MYO5B: variants seen among roughly 807,000 people sequenced by gnomAD.
MYO5B encodes myosin VB.
In MYO5B, 143 loss-of-function variants were observed where a neutral mutation model predicts 229.3. That is an observed-to-expected ratio of 0.62 (90% CI 0.54 to 0.72). The LOEUF is 0.72. Ranked by LOEUF, MYO5B falls within the 30% of genes least tolerant of loss-of-function variation. MYO5B has a pLI of 0.00. For missense variants in MYO5B, 2,321 were observed against 2,331.0 expected (o/e 1.00, Z 0.09); for synonymous variants, 918 against 885.2 (o/e 1.04, Z -0.66).
At chr18:49,918,159 C>T (rs1019988078) in intron 17 of MYO5B, among the ~76,000 whole-genome samples, 2 of 152,188 alleles carry the variant, frequency 1.3e-5, no homozygotes, top group Non-Finnish European at 2.9e-5. Flanking sequence ...GAGCCTAACA[C>T]CGGGTTTAAC....
intron 1 of MYO5B, among the ~76,000 whole-genome samples, chr18:50,153,357 CAGTG>C (rs1366123132): frequency 3.9e-5 from 6 of 152,182 alleles, no homozygotes; most frequent in African/African-American, 1.2e-4. Context: ...TCAGTGTTAA[CAGTG>C]AGGCATGACT....
intron 1 of MYO5B, among the ~76,000 whole-genome samples, chr18:50,103,342 A>G (rs1599022371): frequency 6.6e-6 from 1 of 151,666 alleles, no homozygotes. Flanking sequence ...AAGACACTCT[A>G]TCCTGACCCT....
At chr18:50,053,066 G>A (rs562455755) in intron 2 of MYO5B, among the ~76,000 whole-genome samples, 1 of 152,318 alleles carries the variant, frequency 6.6e-6, no homozygotes, top group South Asian at 2.1e-4. Flanking sequence ...CAGCTTCAGA[G>A]GAGACTCTCT....
chr18:50,026,318 A>T (rs1335684909), intron 4 of MYO5B, among the ~76,000 whole-genome samples: 3 of 117,792 alleles, frequency 2.5e-5, no homozygotes, highest in African/African-American at 9.5e-5. Flanking sequence ...TAAACTGTAA[A>T]AGGGCAGTAA....
At chr18:50,115,471 C>A (rs2031941616) in intron 1 of MYO5B, among the ~76,000 whole-genome samples, 1 of 151,872 alleles carries the variant, frequency 6.6e-6, no homozygotes, top group South Asian at 2.1e-4. Context: ...CCTACCAGGG[C>A]CAGGTCTTGT....
chr18:49,880,372 T>C lies in MYO5B; in HGVS notation c.3129A>G (p.Lys1043=). The change falls in exon 23 of 40, where the codon AAA becomes AAG. Residue 1043 remains lysine (K), a splice_region_variant and synonymous_variant. Transcript: ENST00000285039. ...QLNNQILCQS[K]DEFAQNSVKE... ...AAACTCAAGTGCTTTGGTACTTACC[T>C]TTAGACTGGCACAGGATTTGGTTGT... The C allele has an allele frequency of 1.2e-6, 2 of 1,613,476 alleles. No homozygotes were observed. Among genetic ancestry groups the C allele is most frequent in the African/African-American group, 1.3e-5 (1 of 75,042 alleles).
chr18:49,898,501 A>G (rs1228950507), intron 21 of MYO5B, among the ~76,000 whole-genome samples: 1 of 152,236 alleles, frequency 6.6e-6, no homozygotes, highest in African/African-American at 2.4e-5. Context: ...CACGGACTAC[A>G]TCGTTTTACT....
At chr18:50,147,448 C>A (rs1013819362) in intron 1 of MYO5B, among the ~76,000 whole-genome samples, 1 of 152,156 alleles carries the variant, frequency 6.6e-6, no homozygotes, top group African/African-American at 2.4e-5. Context: ...CCAGTCCAGC[C>A]GCCACAGGGT....
intron 20 of MYO5B, among the ~76,000 whole-genome samples, chr18:49,904,309 G>A (rs1357602999): frequency 1.3e-5 from 2 of 152,114 alleles, no homozygotes; most frequent in African/African-American, 2.4e-5. Flanking sequence ...CTCACCATGC[G>A]ACCTCTGCAC....
chr18:50,024,668 G>A (rs2026311818), intron 4 of MYO5B, among the ~76,000 whole-genome samples: 1 of 152,160 alleles, frequency 6.6e-6, no homozygotes, highest in Non-Finnish European at 1.5e-5. Flanking sequence ...AAGGTTCAAA[G>A]GCATTTGCTT....
At chr18:50,179,587 C>G (rs1034040943) in intron 1 of MYO5B, among the ~76,000 whole-genome samples, 2 of 152,162 alleles carry the variant, frequency 1.3e-5, no homozygotes, top group Admixed American at 1.3e-4. Flanking sequence ...TAAAACCACA[C>G]AGCAGAGGTG....
chr18:49,929,651 A>G, intron 16 of MYO5B, 53 bp from the exon 17 acceptor site: 1 of 1,472,692 alleles, frequency 6.8e-7, no homozygotes, highest in Middle Eastern at 2.0e-4. Flanking sequence ...GAGTGGCCAC[A>G]TTTGCAAAAA....
At chr18:50,183,401 C>T (rs1396774876) in intron 1 of MYO5B, among the ~76,000 whole-genome samples, 8 of 141,562 alleles carry the variant, frequency 5.7e-5, no homozygotes, top group Non-Finnish European at 9.1e-5. Context: ...TGTATGTATT[C>T]CTCTCTAAAG....
rs570562679 is a variant in MYO5B, at chr18:50,189,328, G to T, written c.27+5439C>A. ...AGGGAAGGAAGTCAAGCTAACATGTGATACTAAGGAAAGTCCCAAGCATGG... is the reference window on the plus strand; with the variant it reads ...AGGGAAGGAAGTCAAGCTAACATGTTATACTAAGGAAAGTCCCAAGCATGG... On this transcript the variant is annotated intron_variant, in intron 1 of 39. Coordinates refer to ENST00000285039, the MANE Select transcript of MYO5B (RefSeq NM_001080467.3). Among the ~76,000 whole-genome samples the T allele has an allele frequency of 2.6e-5, 4 of 152,314 alleles. No individual in the cohort carries two copies. The East Asian group carries it at 7.7e-4, about 29-fold the overall frequency.
chr18:49,971,633 T>C (rs879677009), intron 10 of MYO5B, among the ~76,000 whole-genome samples: 5 of 152,238 alleles, frequency 3.3e-5, no homozygotes, highest in Admixed American at 1.3e-4. Flanking sequence ...CCTGGGCCAG[T>C]CCACATTTGT....
rs55973734 is a variant in MYO5B, at chr18:50,172,288, C to CAAAAAAAAAA, written c.27+22469_27+22478dup. Among the ~76,000 whole-genome samples the CAAAAAAAAAA allele has an allele frequency of 4.1e-4, 37 of 90,498 alleles. 4 individuals are homozygous for CAAAAAAAAAA. Among genetic ancestry groups the CAAAAAAAAAA allele is most frequent in the South Asian group, 4.1e-4 (1 of 2,428 alleles). 59.4% of individuals were successfully genotyped at this position (90,498 alleles called of 152,430 possible). ...AGAGTGAGACCCTGACAAAAAAAGA[C>CAAAAAAAAAA]AAAAAAAAAAAAAAAAAAAGGCCGA... On this transcript the variant is annotated intron_variant, in intron 1 of 39. Coordinates refer to ENST00000285039, the MANE Select transcript of MYO5B (RefSeq NM_001080467.3).
chr18:50,059,276 A>G (rs888335552), intron 1 of MYO5B, among the ~76,000 whole-genome samples: 2 of 152,214 alleles, frequency 1.3e-5, no homozygotes, highest in Non-Finnish European at 2.9e-5. Context: ...GTACCATGTA[A>G]CAAAGTATGA....
At chr18:50,159,479 C>T (rs767097423) in intron 1 of MYO5B, among the ~76,000 whole-genome samples, 37 of 152,106 alleles carry the variant, frequency 2.4e-4, no homozygotes, top group Non-Finnish European at 4.9e-4. Context: ...AGCTGAGAGA[C>T]GTTAGTGACA....
intron 29 of MYO5B, 64 bp from the exon 30 acceptor site, chr18:49,856,954 G>A: frequency 7.3e-7 from 1 of 1,369,234 alleles, no homozygotes; most frequent in Non-Finnish European, 1.0e-6. Flanking sequence ...CAGGCAGGGA[G>A]TCCTGGAAAG....
Sources: allele counts gnomAD v4.1 joint callset (sites outside exome capture counted in the v4.1 genomes callset), GRCh38; gene constraint gnomAD v4.1.1; transcripts MANE v1.5; gene names NCBI Gene and HGNC (gene_info 2026-07-23, HGNC 2026-07-21).